Variants in MPHOSPH8 observed in about 807,000 individuals in gnomAD.
MPHOSPH8 encodes M-phase phosphoprotein, mpp.
Under a neutral mutation model 87.3 loss-of-function variants are expected in MPHOSPH8, and 45 were observed. The observed-to-expected ratio is 0.52, with a 90% CI of 0.41 to 0.66. The LOEUF (loss-of-function observed/expected upper bound fraction) is 0.66, where lower values mean the gene tolerates loss of function less well. Among genes scored for constraint, MPHOSPH8 ranks in the 30% least tolerant of loss-of-function variants. The pLI is 0.00. For missense variants in MPHOSPH8, 883 were observed against 1,020.2 expected (o/e 0.87, Z 1.83); for synonymous variants, 366 against 376.9 (o/e 0.97, Z 0.33).
At chr13:19,667,382 G>C (rs1053696382) in intron 10 of MPHOSPH8, among the ~76,000 whole-genome samples, 2 of 152,088 alleles carry the variant, frequency 1.3e-5, no homozygotes, top group African/African-American at 4.8e-5. Flanking sequence ...CCCCTGGAGC[G>C]CAGCATTGAC....
intron 1 of MPHOSPH8, among the ~76,000 whole-genome samples, chr13:19,639,535 G>A (rs981796721): frequency 4.6e-5 from 7 of 151,772 alleles, no homozygotes; most frequent in Admixed American, 1.3e-4. Context: ...GGTCTCAAAC[G>A]CCTGACCTCG....
rs1276477273 is a variant in MPHOSPH8 at position 19,659,260 on chromosome 13, T to C, written c.1762T>C (p.Ser588Pro). The change falls in exon 7 of 14, where the codon TCA becomes CCA. Residue 588 changes from serine (S) to proline (P), a missense_variant. Ser to Pro is a moderately conservative substitution (Grantham distance 74). Around this residue, in one of 3 missense-constraint regions of MPHOSPH8, gnomAD observed 741 missense variants for 841.5 expected, o/e 0.88. Transcript: ENST00000361479. ...DYITVKVALN[S>P]NEEYNLDQED... ...TATTACTGTAAAAGTTGCACTTAAT[T>C]CAAATGAAGAATATAACCTGGACCA... The C allele has an allele frequency of 6.2e-7, 1 of 1,611,718 alleles. No homozygotes were observed. The highest frequency in any genetic ancestry group is 2.1e-4 in the Middle Eastern group (1 of 4,870).
At chr13:19,653,763 C>T (rs1874990148) in intron 5 of MPHOSPH8, among the ~76,000 whole-genome samples, 1 of 152,206 alleles carries the variant, frequency 6.6e-6, no homozygotes, top group East Asian at 1.9e-4. Context: ...ATGAAGCATA[C>T]ACAAGTATCA....
At chr13:19,662,884 G>T (rs1307285842) in intron 8 of MPHOSPH8, among the ~76,000 whole-genome samples, 156 bp from the exon 9 acceptor site, 1 of 152,210 alleles carries the variant, frequency 6.6e-6, no homozygotes, top group Non-Finnish European at 1.5e-5. Flanking sequence ...GTGGGGCGGG[G>T]TGCACCCCCG....
Position 19,646,690 on chromosome 13 carries a change from C to G in MPHOSPH8, c.617C>G (p.Ala206Gly). Residue 206 changes from alanine (A) to glycine (G), a missense_variant, in exon 3 of 14, where the codon GCC (alanine) becomes GGC (glycine). Transcript: ENST00000361479. ...DLRTKKRISE[A>G]KEELKESKKP... ...AGGACAAAGAAAAGAATTTCTGAAGCCAAAGAAGAACTAAAGGAGTCCAAA... is the reference window on the plus strand; with the variant it reads ...AGGACAAAGAAAAGAATTTCTGAAGGCAAAGAAGAACTAAAGGAGTCCAAA... 1 of 1,593,032 alleles carries G rather than the reference C, an allele frequency of 6.3e-7. No homozygotes were observed. Among genetic ancestry groups the G allele is most frequent in the East Asian group, 2.2e-5 (1 of 44,658 alleles).
intron 7 of MPHOSPH8, among the ~76,000 whole-genome samples, chr13:19,660,325 G>A (rs929851980): frequency 2.0e-5 from 3 of 151,660 alleles, no homozygotes; most frequent in African/African-American, 7.2e-5. Flanking sequence ...TTTTAGGTTT[G>A]TGTTTGAGTC....
At chr13:19,658,590 G>C (rs539434239) in intron 5 of MPHOSPH8, among the ~76,000 whole-genome samples, 21 of 152,298 alleles carry the variant, frequency 1.4e-4, no homozygotes, top group African/African-American at 4.6e-4. Context: ...TAGCTCACAT[G>C]CTGAGAATGG....
At chr13:19,665,733 G>T (rs1011427224) in intron 9 of MPHOSPH8, among the ~76,000 whole-genome samples, 1 of 152,202 alleles carries the variant, frequency 6.6e-6, no homozygotes, top group Non-Finnish European at 1.5e-5. Flanking sequence ...TCACAGGGTA[G>T]GGAGGCACAG....
chr13:19,650,263 G>T lies in MPHOSPH8; in HGVS notation c.1576+3G>T. ...GTGCCAAGCAGATGAGAATTCAGGT[G>T]AGTTTGGAATCATTTTGCAGAATTT... On this transcript the variant is annotated splice_donor_region_variant and intron_variant, in intron 5 of 13. Transcript: ENST00000361479. 1 of 1,610,662 alleles carries T rather than the reference G, an allele frequency of 6.2e-7. No homozygotes were observed. The highest frequency in any genetic ancestry group is 8.5e-7 in the Non-Finnish European group (1 of 1,178,050).
intron 8 of MPHOSPH8, among the ~76,000 whole-genome samples, chr13:19,662,172 C>G (rs191459886): frequency 1.3e-5 from 2 of 152,166 alleles, no homozygotes; most frequent in Non-Finnish European, 2.9e-5. Context: ...ATCTCCTGAC[C>G]TCGTGATCTG....
At chr13:19,646,287 A>T (rs1874558637) in intron 2 of MPHOSPH8, among the ~76,000 whole-genome samples, 156 bp from the exon 3 acceptor site, 1 of 152,180 alleles carries the variant, frequency 6.6e-6, no homozygotes, top group Non-Finnish European at 1.5e-5. Context: ...TCAGAGATAG[A>T]GGTAGCATAC....
chr13:19,646,493 G>A lies in MPHOSPH8; in HGVS notation c.420G>A (p.Gln140=), dbSNP rs1370433262. 1 of 1,561,020 alleles carries A rather than the reference G, an allele frequency of 6.4e-7. No individual in the cohort carries two copies. Among genetic ancestry groups the A allele is most frequent in the East Asian group, 2.3e-5 (1 of 44,018 alleles). The change falls in exon 3 of 14, where the codon CAG becomes CAA. Residue 140 remains glutamine (Q), a synonymous_variant. Coordinates refer to ENST00000361479, the MANE Select transcript of MPHOSPH8 (RefSeq NM_017520.4). The part of the protein sequence containing the change: ...DIFEANSDSD[Q]QSETKEDTSP... ...TTGAGGCGAACTCTGATAGCGATCA[G>A]CAAAGTGAGACAAAAGAAGATACTT...
Position 19,647,393 on chromosome 13 carries a change from CATGGGCGGTCATAA to C in MPHOSPH8, c.1218+106_1218+119del. The C allele has an allele frequency of 4.2e-6, 4 of 956,650 alleles. No homozygotes were observed. The South Asian group carries it at 8.4e-5, about 20-fold the overall frequency. 59.3% of individuals were successfully genotyped at this position (956,650 alleles called of 1,614,324 possible). The stretch of plus-strand genomic sequence containing the variant: ...CAAGCTATAAGAAAGTGTTTATGAC[CATGGGCGGTCATAA>C]ATGAAGATCCTCCAGCTTTTGGACA... On this transcript the variant is annotated intron_variant, in intron 3 of 13. Transcript: ENST00000361479.
At chr13:19,670,700 T>G in intron 12 of MPHOSPH8, 2 of 1,053,080 alleles carry the variant, frequency 1.9e-6, no homozygotes, top group Non-Finnish European at 2.4e-6. Flanking sequence ...TTAAGCAAAA[T>G]TTGCTAGATA....
Position 19,647,263 on chromosome 13 carries a change from G to T in MPHOSPH8, c.1190G>T (p.Gly397Val). ...CGGAGGTTGAGCGGGGAAGAGAGAGGCCTCTGGTCCACGGACTCAGCCGAG... is the reference window on the plus strand; with the variant it reads ...CGGAGGTTGAGCGGGGAAGAGAGAGTCCTCTGGTCCACGGACTCAGCCGAG... The part of the protein sequence containing the change: ...KGRRLSGEER[G>V]LWSTDSAEED... The change falls in exon 3 of 14, where the codon GGC becomes GTC. Residue 397 changes from glycine (G) to valine (V), a missense_variant. Gly to Val is a moderately radical substitution (Grantham distance 109). This residue lies in a region of MPHOSPH8 where 741 missense variants were observed against 841.5 expected (regional missense o/e 0.88). Coordinates refer to ENST00000361479, the MANE Select transcript of MPHOSPH8 (RefSeq NM_017520.4). 4 of 1,606,650 alleles carry T rather than the reference G, an allele frequency of 2.5e-6. No homozygotes were observed. Among genetic ancestry groups the T allele is most frequent in the Non-Finnish European group, 3.4e-6 (4 of 1,178,088 alleles).
At chr13:19,669,420 G>T (rs1280726333) in intron 11 of MPHOSPH8, among the ~76,000 whole-genome samples, 3 of 152,054 alleles carry the variant, frequency 2.0e-5, no homozygotes, top group African/African-American at 7.2e-5. Flanking sequence ...ACGATGCCCT[G>T]AGCTGGCCCT....
At position 19,641,823 on chromosome 13, in the gene MPHOSPH8, A is replaced by G. The variant is rs1321012633; in HGVS notation, c.214-292A>G. Among the ~76,000 whole-genome samples the G allele has an allele frequency of 2.0e-5, 3 of 151,874 alleles. No individual in the cohort carries two copies. In the East Asian group the frequency reaches 5.8e-4, roughly 29 times the overall value. ...TAATTTTTGTATTTTTAGTAGAGAC[A>G]AGGTTTCACCATGTTGGTCAGGCTG... is the stretch of plus-strand genomic sequence containing the variant. On this transcript the variant is annotated intron_variant, in intron 1 of 13. Transcript: ENST00000361479.
intron 11 of MPHOSPH8, among the ~76,000 whole-genome samples, chr13:19,669,100 T>C (rs923336624): frequency 6.6e-6 from 1 of 152,196 alleles, no homozygotes; most frequent in Admixed American, 6.5e-5. Context: ...TTTGTATTCA[T>C]TCCTGGAAAA....
chr13:19,640,608 C>T (rs1266460014), intron 1 of MPHOSPH8, among the ~76,000 whole-genome samples: 3 of 151,730 alleles, frequency 2.0e-5, no homozygotes, highest in Non-Finnish European at 4.4e-5. Context: ...TGAGCTTAAG[C>T]GATCCTCCCA....
Sources: allele counts gnomAD v4.1 joint callset (sites outside exome capture counted in the v4.1 genomes callset), GRCh38; gene constraint gnomAD v4.1.1; regional missense constraint gnomAD v4.1.1; transcripts MANE v1.5; gene names NCBI Gene and HGNC (gene_info 2026-07-23, HGNC 2026-07-21).